CYP2C19: variants seen among roughly 807,000 people sequenced by gnomAD.
CYP2C19 encodes the protein cytochrome P450 family 2 subfamily C member 19, also known as cytochrome P450 2C19.
Under a neutral mutation model 40.9 loss-of-function variants are expected in CYP2C19, and 59 were observed. The ratio of observed to expected loss-of-function variants is 1.44; its 90% confidence interval spans 1.17 to 1.79. The LOEUF is 1.79. Ranked by LOEUF, CYP2C19 falls within the 40% of genes most tolerant of loss-of-function variation. The probability of loss-of-function intolerance (pLI) is 0.00; values close to 1 mark genes in which losing one functional copy is unlikely to be tolerated. For missense variants in CYP2C19, 754 were observed against 596.9 expected, an observed-to-expected ratio of 1.26 and a Z score of -2.74; for synonymous variants, 253 against 208.7, an observed-to-expected ratio of 1.21 and a Z score of -1.83.
chr10:94,820,407 T>G lies in CYP2C19; in HGVS notation c.820-89T>G. ...CTATACTTTACAGTTTCTATGTTGG[T>G]AAGTATACAATGTGAGTAATTTTGA... On this transcript the variant is annotated intron_variant, in intron 5 of 8. Transcript: ENST00000371321. 1.4e-6 allele frequency: 2 copies of G among 1,431,120 alleles called. 1 individual carries two copies. The highest frequency in any genetic ancestry group is 2.3e-5 in the South Asian group (2 of 85,768). The allele number at this position is 1,431,120 out of a possible 1,614,324, so 88.7% of individuals were successfully genotyped here. A position where few individuals can be genotyped will look rare whatever the true frequency, so the allele number is the denominator to read the frequency against.
At chr10:94,805,010 T>C (rs1848814841) in intron 5 of CYP2C19, among the ~76,000 whole-genome samples, 1 of 152,154 alleles carries the variant, frequency 6.6e-6, no homozygotes, top group South Asian at 2.1e-4. Context: ...CTACACATGA[T>C]CTGAATTTTT....
At chr10:94,762,905 G>T (rs1848192517) in intron 1 of CYP2C19, 32 bp downstream of exon 1, 4 of 1,592,472 alleles carry the variant, frequency 2.5e-6, no homozygotes, top group Non-Finnish European at 3.4e-6. Flanking sequence ...CTTGCAAAAG[G>T]TAAGTAAATT....
intron 3 of CYP2C19, among the ~76,000 whole-genome samples, chr10:94,776,685 G>A (rs1848411388): frequency 1.3e-5 from 2 of 152,050 alleles, no homozygotes; most frequent in Non-Finnish European, 2.9e-5. Flanking sequence ...AAAACCCATA[G>A]CCAATATCAT....
chr10:94,794,887 C>G (rs1477662316), intron 5 of CYP2C19, among the ~76,000 whole-genome samples: 1 of 151,948 alleles, frequency 6.6e-6, no homozygotes, highest in Non-Finnish European at 1.5e-5. Context: ...AATTGAATAC[C>G]CTTTATTTCT....
At chr10:94,823,403 G>A (rs1311961527) in intron 6 of CYP2C19, among the ~76,000 whole-genome samples, 3 of 152,138 alleles carry the variant, frequency 2.0e-5, no homozygotes, top group African/African-American at 4.8e-5. Flanking sequence ...TTTGGTAAGG[G>A]TCCACACCTT....
In CYP2C19 at chr10:94,800,295, T is replaced by C. The variant is rs117560698; in HGVS notation, c.819+18298T>C. Among the ~76,000 whole-genome samples, 23 of 152,354 alleles carry C rather than the reference T, an allele frequency of 1.5e-4. No individual in the cohort carries two copies. The East Asian group carries it at 4.2e-3, about 28-fold the overall frequency. On this transcript the variant is annotated intron_variant, in intron 5 of 8. Coordinates refer to ENST00000371321, the MANE Select transcript of CYP2C19 (RefSeq NM_000769.4). ...CAGGTCTGTTGGAGTTTGTTGGAGG[T>C]TCACTCCAGACCTTTTTGCCTGGGT...
chr10:94,847,596 A>G (rs1849592487), intron 7 of CYP2C19, among the ~76,000 whole-genome samples: 1 of 152,306 alleles, frequency 6.6e-6, no homozygotes, highest in South Asian at 2.1e-4. Context: ...TATACCCAGT[A>G]ATGGGATGGC....
chr10:94,816,657 C>A (rs1005053100), intron 5 of CYP2C19, among the ~76,000 whole-genome samples: 2 of 150,542 alleles, frequency 1.3e-5, no homozygotes, highest in African/African-American at 4.9e-5. Context: ...ATACATGTGC[C>A]ATCCTGGTGC....
chr10:94,850,977 A>T (rs1202917396), intron 8 of CYP2C19, among the ~76,000 whole-genome samples: 1 of 152,144 alleles, frequency 6.6e-6, no homozygotes, highest in African/African-American at 2.4e-5. Context: ...GTGACCTTTG[A>T]TGTCTGCTTT....
At chr10:94,829,908 C>A (rs1849299452) in intron 6 of CYP2C19, among the ~76,000 whole-genome samples, 1 of 152,126 alleles carries the variant, frequency 6.6e-6, no homozygotes, top group Non-Finnish European at 1.5e-5. Flanking sequence ...GTTGGAATAA[C>A]CTGCCGTGTG....
At chr10:94,823,711 A>G (rs1849165295) in intron 6 of CYP2C19, among the ~76,000 whole-genome samples, 1 of 152,226 alleles carries the variant, frequency 6.6e-6, no homozygotes, top group Non-Finnish European at 1.5e-5. Flanking sequence ...TATTAATATT[A>G]TTTAGCATAT....
At chr10:94,767,604 G>A (rs1188762305) in intron 1 of CYP2C19, among the ~76,000 whole-genome samples, 2 of 152,150 alleles carry the variant, frequency 1.3e-5, no homozygotes, top group Non-Finnish European at 2.9e-5. Context: ...TGGACCAAGG[G>A]ATTATTCTTT....
chr10:94,826,791 G>C (rs528452512), intron 6 of CYP2C19, among the ~76,000 whole-genome samples: 6 of 152,232 alleles, frequency 3.9e-5, no homozygotes, highest in African/African-American at 1.4e-4. Context: ...TGTTGGCTGT[G>C]GGTTTGTCAT....
chr10:94,829,095 C>T (rs1004255037), intron 6 of CYP2C19, among the ~76,000 whole-genome samples: 1 of 152,170 alleles, frequency 6.6e-6, no homozygotes, highest in Non-Finnish European at 1.5e-5. Context: ...CTGCCCTTAA[C>T]ATTTTTTCCT....
In CYP2C19 at chr10:94,789,744, C is replaced by T. The variant is rs183668347; in HGVS notation, c.819+7747C>T. Among the ~76,000 whole-genome samples the T allele has an allele frequency of 4.0e-3, 614 of 151,972 alleles. 5 individuals carry two copies. Among genetic ancestry groups the T allele is most frequent in the African/African-American group, 0.014 (584 of 41,496 alleles). On this transcript the variant is annotated intron_variant, in intron 5 of 8. Coordinates refer to ENST00000371321, the MANE Select transcript of CYP2C19 (RefSeq NM_000769.4). Reference sequence around the variant, plus strand: ...CAGTACCATGCTGTTTTTATTACTTCGGCCTTGTAATATAGTTTGAAGTCA... The same window carrying T: ...CAGTACCATGCTGTTTTTATTACTTTGGCCTTGTAATATAGTTTGAAGTCA...
intron 5 of CYP2C19, among the ~76,000 whole-genome samples, chr10:94,816,761 G>A (rs1005431723): frequency 1.4e-5 from 2 of 139,602 alleles, no homozygotes; most frequent in African/African-American, 2.7e-5. Flanking sequence ...CCAGAGTGTG[G>A]TATTCCCCTT....
At chr10:94,846,880 T>C (rs1564685023) in intron 7 of CYP2C19, among the ~76,000 whole-genome samples, 1 of 151,828 alleles carries the variant, frequency 6.6e-6, no homozygotes, top group South Asian at 2.1e-4. Flanking sequence ...CTCTCCCGTA[T>C]CTTTAAATGA....
intron 1 of CYP2C19, among the ~76,000 whole-genome samples, chr10:94,764,290 T>C (rs537807522): frequency 3.3e-5 from 5 of 152,236 alleles, no homozygotes; most frequent in South Asian, 2.1e-4. Context: ...TGCTGATTTG[T>C]CCATTTTGCA....
chr10:94,850,207 G>C, intron 8 of CYP2C19, 149 bp downstream of exon 8: 1 of 908,736 alleles, frequency 1.1e-6, no homozygotes, highest in Non-Finnish European at 1.7e-6. Context: ...TTTCTCCGCT[G>C]GTGATACATC....
Sources: gnomAD v4.1 joint callset for allele counts (sites outside exome capture counted in the v4.1 genomes callset) on GRCh38, gnomAD v4.1.1 for gene constraint, MANE v1.5 for transcripts, NCBI Gene and HGNC (gene_info 2026-07-23, HGNC 2026-07-21) for gene names.